Variants in MPPED2 observed in about 807,000 individuals in gnomAD.
MPPED2 encodes metallophosphoesterase MPPED2.
MPPED2 carries 5 observed loss-of-function variants against 33.0 expected under a neutral mutation model. The ratio of observed to expected loss-of-function variants is 0.15; its 90% CI spans 0.08 to 0.32. MPPED2 has a LOEUF of 0.32. Ranked by LOEUF, MPPED2 falls within the 10% of genes least tolerant of loss-of-function variation. The pLI is 1.00. For synonymous variants in MPPED2, 136 were observed against 141.9 expected (o/e 0.96, Z 0.29); for missense variants, 275 against 372.1 (o/e 0.74, Z 2.15).
chr11:30,463,310 A>C (rs1000528277), intron 4 of MPPED2, among the ~76,000 whole-genome samples: 2 of 152,228 alleles, frequency 1.3e-5, no homozygotes, highest in Non-Finnish European at 2.9e-5. Context: ...AACAGCTCGT[A>C]GTGGACATTT....
At chr11:30,496,495 A>AG (rs1284243587) in intron 3 of MPPED2, among the ~76,000 whole-genome samples, 2 of 151,938 alleles carry the variant, frequency 1.3e-5, no homozygotes, top group African/African-American at 4.8e-5. Flanking sequence ...TTTATTTTGG[A>AG]GGAAAAAAAG....
chr11:30,558,548 T>A (rs932123317), intron 2 of MPPED2, among the ~76,000 whole-genome samples: 1 of 151,718 alleles, frequency 6.6e-6, no homozygotes, highest in Non-Finnish European at 1.5e-5. Flanking sequence ...CTCAAGTAGC[T>A]AGAAATACAA....
chr11:30,511,251 G>T (rs1953170248), intron 3 of MPPED2, among the ~76,000 whole-genome samples: 1 of 152,160 alleles, frequency 6.6e-6, no homozygotes, highest in Admixed American at 6.5e-5. Flanking sequence ...TGGGGTCCTA[G>T]GATGTGACTG....
intron 4 of MPPED2, among the ~76,000 whole-genome samples, chr11:30,490,491 G>C (rs963062236): frequency 6.6e-6 from 1 of 152,150 alleles, no homozygotes; most frequent in South Asian, 2.1e-4. Flanking sequence ...CTGAGGTAAG[G>C]GTGCCCCTAA....
chr11:30,449,811 A>G (rs996969008), intron 4 of MPPED2, among the ~76,000 whole-genome samples: 4 of 152,284 alleles, frequency 2.6e-5, no homozygotes, highest in Admixed American at 2.0e-4. Flanking sequence ...CAGCACCAAG[A>G]TAAGTCTGCT....
Position 30,580,279 on chromosome 11 carries a change from T to C in MPPED2, c.95A>G (p.Asn32Ser). The C allele has an allele frequency of 2.5e-6, 4 of 1,614,138 alleles. No individual in the cohort carries two copies. Among genetic ancestry groups the C allele is most frequent in the Non-Finnish European group, 3.4e-6 (4 of 1,179,982 alleles). Residue 32 changes from asparagine to serine, a missense_variant, in exon 2 of 7, where the codon AAC becomes AGC. By Grantham distance (46) the Asn-to-Ser change is conservative (BLOSUM62 1). Transcript: ENST00000358117. ...PTQAFTHYNI[N>S]QSRFQPPHVH... Reference sequence around the variant, plus strand: ...ATGTGGAGGCTGGAATCTGCTCTGGTTGATGTTGTAGTGCGTGAATGCCTG... The same window carrying C: ...ATGTGGAGGCTGGAATCTGCTCTGGCTGATGTTGTAGTGCGTGAATGCCTG...
chr11:30,559,827 T>G (rs1258430271), intron 2 of MPPED2, among the ~76,000 whole-genome samples: 2 of 152,248 alleles, frequency 1.3e-5, no homozygotes, highest in African/African-American at 4.8e-5. Context: ...GCATGCCTTT[T>G]CTTTTTGAAA....
chr11:30,419,854 G>A (rs1369114432), intron 4 of MPPED2, among the ~76,000 whole-genome samples: 1 of 152,148 alleles, frequency 6.6e-6, no homozygotes, highest in African/African-American at 2.4e-5. Context: ...AGACAAAAAA[G>A]AGAGGACTGT....
chr11:30,457,126 T>G (rs974631721), intron 4 of MPPED2, among the ~76,000 whole-genome samples: 2 of 152,162 alleles, frequency 1.3e-5, no homozygotes, highest in African/African-American at 4.8e-5. Flanking sequence ...GGGAAAAAGC[T>G]TATCAGCATT....
intron 4 of MPPED2, among the ~76,000 whole-genome samples, chr11:30,447,272 C>G (rs1014343065): frequency 6.6e-6 from 1 of 152,182 alleles, no homozygotes; most frequent in Non-Finnish European, 1.5e-5. Context: ...TTCCGACAGT[C>G]TGATTTGATA....
intron 6 of MPPED2, among the ~76,000 whole-genome samples, chr11:30,391,314 T>G (rs1947772169): frequency 6.6e-6 from 1 of 152,178 alleles, no homozygotes. Context: ...TCAGTCTTTG[T>G]CTTGCACTGC....
At chr11:30,497,544 C>A (rs774711566) in intron 3 of MPPED2, among the ~76,000 whole-genome samples, 2 of 152,184 alleles carry the variant, frequency 1.3e-5, no homozygotes, top group African/African-American at 2.4e-5. Context: ...GATGATGGGA[C>A]TCACTGTAAA....
chr11:30,584,077 G>T (rs1463749053), intron 1 of MPPED2: 1 of 152,084 alleles, frequency 6.6e-6, no homozygotes, highest in East Asian at 1.9e-4. Flanking sequence ...CTGACATAAA[G>T]TTCCACGTGC....
At chr11:30,472,533 T>C (rs1207225416) in intron 4 of MPPED2, among the ~76,000 whole-genome samples, 1 of 152,100 alleles carries the variant, frequency 6.6e-6, no homozygotes, top group Non-Finnish European at 1.5e-5. Context: ...AACAAATAAA[T>C]GGATAAACAG....
At chr11:30,494,042 T>C (rs1272053858) in intron 4 of MPPED2, among the ~76,000 whole-genome samples, 1 of 152,214 alleles carries the variant, frequency 6.6e-6, no homozygotes, top group African/African-American at 2.4e-5. Flanking sequence ...CCAGTAACTT[T>C]CAAACCACCT....
rs905452709 is a variant in MPPED2 at position 30,565,475 on chromosome 11, C to T, written c.128+14771G>A. ...CAGCCCTACAGGTACTTATCAAAGA[C>T]GTAGGTCCATCAGAGCCCCTTTACC... is the stretch of plus-strand genomic sequence containing the variant. On this transcript the variant is annotated intron_variant, in intron 2 of 6. Coordinates refer to ENST00000358117, the MANE Select transcript of MPPED2 (RefSeq NM_001584.3). Among the ~76,000 whole-genome samples the T allele has an allele frequency of 6.6e-5, 10 of 152,210 alleles. No individual in the cohort carries two copies. The East Asian group carries it at 7.7e-4, about 12-fold the overall frequency.
intron 6 of MPPED2, among the ~76,000 whole-genome samples, chr11:30,413,315 G>C (rs1948196284): frequency 6.6e-6 from 1 of 152,222 alleles, no homozygotes; most frequent in South Asian, 2.1e-4. Context: ...GCTGCCATAA[G>C]CAGGAGCTAG....
At chr11:30,480,352 T>A (rs1332781317) in intron 4 of MPPED2, among the ~76,000 whole-genome samples, 2 of 152,116 alleles carry the variant, frequency 1.3e-5, no homozygotes, top group Non-Finnish European at 2.9e-5. Context: ...TTCTTTTTTT[T>A]AAATATTAAT....
At chr11:30,563,343 T>C (rs980985617) in intron 2 of MPPED2, among the ~76,000 whole-genome samples, 4 of 152,156 alleles carry the variant, frequency 2.6e-5, no homozygotes, top group African/African-American at 7.2e-5. Context: ...GTAAGCAACG[T>C]AGATCCCTCG....
Sources: allele counts gnomAD v4.1 joint callset (sites outside exome capture counted in the v4.1 genomes callset), GRCh38; gene constraint gnomAD v4.1.1; transcripts MANE v1.5; gene names NCBI Gene and HGNC (gene_info 2026-07-23, HGNC 2026-07-21).